The following NUP210 variants were observed in gnomAD, a reference collection of about 807,000 sequenced individuals.
NUP210 encodes nuclear pore membrane glycoprotein 210.
Under a neutral mutation model 196.0 loss-of-function variants are expected in NUP210, and 151 were observed. The observed-to-expected ratio is 0.77, with a 90% confidence interval of 0.67 to 0.88. The LOEUF (loss-of-function observed/expected upper bound fraction) is 0.88. Ranked by LOEUF, NUP210 falls within the 40% of genes least tolerant of loss-of-function variation. The pLI is 0.00. For missense variants in NUP210, 2,314 were observed against 2,493.7 expected (o/e 0.93, Z 1.53); for synonymous variants, 1,070 against 1,052.7 (o/e 1.02, Z -0.32).
chr3:13,386,535 A>G (rs546259143), intron 5 of NUP210, 128 bp from the exon 6 acceptor site: 4 of 1,218,842 alleles, frequency 3.3e-6, no homozygotes, highest in Non-Finnish European at 4.6e-6. Context: ...ACAAGATATC[A>G]TTCCCAAATC....
In NUP210 at chr3:13,415,214, G is replaced by A. The variant is rs1309715173; in HGVS notation, c.167+4846C>T. ...CTGCACTCCAGCCTGGCAACACAGCGAGACTCCATCTCAAAAAATAAAAAG... is the reference window on the plus strand; with the variant it reads ...CTGCACTCCAGCCTGGCAACACAGCAAGACTCCATCTCAAAAAATAAAAAG... On this transcript the variant is annotated intron_variant, in intron 1 of 39. Transcript: ENST00000254508. Among the ~76,000 whole-genome samples the A allele has an allele frequency of 3.9e-5, 6 of 152,184 alleles. No homozygotes were observed. In the East Asian group the frequency reaches 5.8e-4, roughly 15 times the overall value.
intron 14 of NUP210, among the ~76,000 whole-genome samples, chr3:13,360,731 A>C (rs1158372550): frequency 6.6e-6 from 1 of 152,226 alleles, no homozygotes; most frequent in Non-Finnish European, 1.5e-5. Flanking sequence ...GAGGGTGTAC[A>C]TGGATTTGCC....
chr3:13,348,964 C>T lies in NUP210; in HGVS notation c.2835+2915G>A. On this transcript the variant is annotated intron_variant, in intron 20 of 39. Coordinates refer to ENST00000254508, the MANE Select transcript of NUP210 (RefSeq NM_024923.4). This position sits in a 1 kb window ranked among gnomAD's most constrained non-coding sequence, Gnocchi z 4.0. ...GAGATCTCTATTTTCTCTTGAAAAT[C>T]AGAAGCTCTTGCCTCACAGGCCCAC... is the stretch of plus-strand genomic sequence containing the variant. 1.1e-6 allele frequency: 1 copy of T among 940,104 alleles called. No individual in the cohort carries two copies. Among genetic ancestry groups the T allele is most frequent in the Non-Finnish European group, 1.3e-6 (1 of 788,528 alleles). 58.2% of individuals were successfully genotyped at this position (940,104 alleles called of 1,614,324 possible).
chr3:13,391,957 C>T (rs1475976369), intron 3 of NUP210, among the ~76,000 whole-genome samples: 1 of 152,052 alleles, frequency 6.6e-6, no homozygotes, highest in African/African-American at 2.4e-5. Context: ...CTAGTTCTCA[C>T]CTCCTCTTGA....
At chr3:13,395,340 C>G (rs1699617724) in intron 3 of NUP210, among the ~76,000 whole-genome samples, 1 of 152,232 alleles carries the variant, frequency 6.6e-6, no homozygotes, top group South Asian at 2.1e-4. Flanking sequence ...CCTTCACACA[C>G]TGCACCCAGG....
chr3:13,344,941 C>T, intron 20 of NUP210: 1 of 985,490 alleles, frequency 1.0e-6, no homozygotes, highest in Non-Finnish European at 1.2e-6. Flanking sequence ...GTCAGCTCCT[C>T]CAGCACCTCT....
chr3:13,323,471 T>C lies in NUP210; in HGVS notation c.4645-39A>G. 6.2e-7 allele frequency: 1 copy of C among 1,611,232 alleles called. No individual in the cohort carries two copies. ...CAAGGAAGCTTCATGGAGCGCCGCC[T>C]GTGTCCCGGTCCATGCTGGGCGTTT... On this transcript the variant is annotated intron_variant, in intron 33 of 39. Coordinates refer to ENST00000254508, the MANE Select transcript of NUP210 (RefSeq NM_024923.4). This position sits in a 1 kb window ranked among gnomAD's most constrained non-coding sequence, Gnocchi z 4.3.
rs201701736 is a variant in NUP210 at position 13,351,982 on chromosome 3, T to A, written c.2734-2A>T. On this transcript the variant is annotated splice_acceptor_variant, in intron 19 of 39. Coordinates refer to ENST00000254508, the MANE Select transcript of NUP210 (RefSeq NM_024923.4). LOFTEE classifies it high-confidence loss of function. ...GCCTTCCCTGATGCGGAGCTCTGCC[T>A]GCAGGAGGCAGATGCAGGGAGGGTT... 2.4e-5 allele frequency: 39 copies of A among 1,610,126 alleles called. No individual in the cohort carries two copies. Among genetic ancestry groups the A allele is most frequent in the Non-Finnish European group, 4.2e-6 (5 of 1,177,016 alleles).
intron 25 of NUP210, 85 bp from the exon 26 acceptor site, chr3:13,338,002 C>G (rs1697295331): frequency 1.5e-6 from 2 of 1,304,306 alleles, no homozygotes; most frequent in Admixed American, 2.0e-5. Context: ...GGGAAGCAGG[C>G]TGCGGCTCAG....
At position 13,415,420 on chromosome 3, in the gene NUP210, C is replaced by G. The variant is rs917345682; in HGVS notation, c.167+4640G>C. ...CCCACTTTCTAACTGCCAGAAATGC[C>G]ATCAAATAGGCCCAGATGATAACGC... On this transcript the variant is annotated intron_variant, in intron 1 of 39. Transcript: ENST00000254508. 2.6e-5 allele frequency among the ~76,000 whole-genome samples: 4 copies of G among 152,136 alleles called. No individual in the cohort carries two copies. In the South Asian group the frequency reaches 8.3e-4, roughly 31 times the overall value.
chr3:13,417,819 G>A (rs1478745983), intron 1 of NUP210, among the ~76,000 whole-genome samples: 6 of 152,282 alleles, frequency 3.9e-5, no homozygotes, highest in African/African-American at 1.4e-4. Flanking sequence ...CTTCTCTGAT[G>A]CATCAGAGAT....
intron 13 of NUP210, among the ~76,000 whole-genome samples, chr3:13,371,195 G>A (rs1292864403): frequency 6.6e-6 from 1 of 152,130 alleles, no homozygotes; most frequent in Non-Finnish European, 1.5e-5. Context: ...CAGGGTCAGT[G>A]TCAGCCACGC....
chr3:13,319,718 C>T, intron 37 of NUP210, 45 bp downstream of exon 37: 1 of 1,556,248 alleles, frequency 6.4e-7, no homozygotes, highest in Non-Finnish European at 8.9e-7. Flanking sequence ...CTGCCTGTCC[C>T]TCCCCATCCT....
intron 13 of NUP210, among the ~76,000 whole-genome samples, chr3:13,369,869 G>A (rs187501104): frequency 3.1e-4 from 47 of 152,308 alleles, no homozygotes; most frequent in African/African-American, 1.1e-3. Flanking sequence ...AAATGGGACC[G>A]CCAAGTCCAA....
In NUP210 at chr3:13,353,979, G is replaced by A. The variant is rs643732; in HGVS notation, c.2457C>T (p.Ile819=). 3.5e-5 allele frequency: 56 copies of A among 1,609,786 alleles called. No individual in the cohort carries two copies. The highest frequency in any genetic ancestry group is 5.6e-5 in the South Asian group (5 of 90,064). ...CCAGCTGCATGGGCAGCTCAGGCTC[G>A]ATGCTGGCCAACACTGGCCTGGTGG... ...WESTRPVLAS[I]EPELPMQLVS... Residue 819 remains isoleucine (I), a synonymous_variant, in exon 17 of 40, where the codon ATC becomes ATT. Coordinates refer to ENST00000254508, the MANE Select transcript of NUP210 (RefSeq NM_024923.4).
Position 13,321,816 on chromosome 3 carries a change from G to A in NUP210, c.4935C>T (p.Ile1645=), listed in dbSNP as rs920249312. Reference sequence around the variant, plus strand: ...GCTTGTCCGTCAGCCTGTGCATTGTGATTGAGCAGAAGTACTGGCCTGCGA... The same window carrying A: ...GCTTGTCCGTCAGCCTGTGCATTGTAATTGAGCAGAAGTACTGGCCTGCGA... ...DTALGQYFCS[I]TMHRLTDKQR... The change falls in exon 36 of 40, where the codon ATC becomes ATT. Residue 1645 remains isoleucine (I), a synonymous_variant. Coordinates refer to ENST00000254508, the MANE Select transcript of NUP210 (RefSeq NM_024923.4). 8.7e-6 allele frequency: 14 copies of A among 1,607,018 alleles called. No individual in the cohort carries two copies. The highest frequency in any genetic ancestry group is 1.2e-5 in the Non-Finnish European group (14 of 1,179,942).
intron 1 of NUP210, among the ~76,000 whole-genome samples, chr3:13,401,145 G>A (rs930216827): frequency 4.7e-5 from 7 of 148,092 alleles, no homozygotes; most frequent in Non-Finnish European, 7.4e-5. Flanking sequence ...TGTAATCCCA[G>A]CTACTCGGTA....
At chr3:13,337,171 G>T (rs1356200054) in intron 26 of NUP210, 7 of 397,548 alleles carry the variant, frequency 1.8e-5, no homozygotes, top group Non-Finnish European at 2.9e-5. Context: ...TTTCCGGAAG[G>T]AGTCCCTGGA....
At chr3:13,343,107 C>T in intron 21 of NUP210, 68 bp downstream of exon 21, 2 of 1,586,462 alleles carry the variant, frequency 1.3e-6, no homozygotes, top group Non-Finnish European at 1.7e-6. Flanking sequence ...AACATTCCTC[C>T]CACAGTCCCC....
Sources: allele counts gnomAD v4.1 joint callset (sites outside exome capture counted in the v4.1 genomes callset), GRCh38; gene constraint gnomAD v4.1.1; non-coding constraint Gnocchi (gnomAD v3.1); transcripts MANE v1.5; gene names NCBI Gene and HGNC (gene_info 2026-07-23, HGNC 2026-07-21).